The following C10orf90 variants were observed in gnomAD, a reference collection of about 807,000 sequenced individuals.
C10orf90 encodes the protein chromosome 10 open reading frame 90.
C10orf90 carries 56 observed loss-of-function variants against 62.5 expected under a neutral mutation model. That is an observed-to-expected ratio of 0.90 (90% CI 0.72 to 1.12). The LOEUF (loss-of-function observed/expected upper bound fraction) is 1.12. C10orf90 is among the 50% of genes most tolerant of loss of function. The probability of loss-of-function intolerance (pLI) is 0.00; values close to 1 mark genes in which losing one functional copy is unlikely to be tolerated. For synonymous variants in C10orf90, 386 were observed against 340.4 expected, an observed-to-expected ratio of 1.13 and a Z score of -1.47; for missense variants, 970 against 880.4, an observed-to-expected ratio of 1.10 and a Z score of -1.29.
chr10:126,640,233 A>T (rs1417434244), intron 2 of C10orf90, among the ~76,000 whole-genome samples: 1 of 152,174 alleles, frequency 6.6e-6, no homozygotes, highest in East Asian at 1.9e-4. Flanking sequence ...CTTCTGGGGG[A>T]GCCTCTGTCC....
intron 2 of C10orf90, among the ~76,000 whole-genome samples, chr10:126,596,627 T>C (rs1845092183): frequency 6.6e-6 from 1 of 152,242 alleles, no homozygotes; most frequent in Non-Finnish European, 1.5e-5. Context: ...TACATTAGCC[T>C]ACAGTTGTGC....
At chr10:126,524,922 G>C (rs1191678421) in intron 2 of C10orf90, 1 of 799,846 alleles carries the variant, frequency 1.3e-6, no homozygotes, top group Non-Finnish European at 1.5e-6. Flanking sequence ...CACTGAACAA[G>C]CATCATTATT....
At chr10:126,427,544 T>G (rs756446324) in intron 8 of C10orf90, among the ~76,000 whole-genome samples, 37 of 152,184 alleles carry the variant, frequency 2.4e-4, no homozygotes, top group Admixed American at 7.2e-4. Context: ...CACCATCTAA[T>G]CAGCTGCCAG....
Position 126,670,350 on chromosome 10 carries a change from A to T in C10orf90, c.131T>A (p.Met44Lys). 4.4e-6 allele frequency: 2 copies of T among 456,710 alleles called. No individual in the cohort carries two copies. Among genetic ancestry groups the T allele is most frequent in the Non-Finnish European group, 8.8e-6 (2 of 226,970 alleles). The allele number at this position is 456,710 out of a possible 1,614,324, so 28.3% of individuals were successfully genotyped here. Reference protein sequence around the residue: ...STELKNHVMVMDFVKSNWFPS... With the variant: ...STELKNHVMVKDFVKSNWFPS... ...AAACCAGTTACTCTTCACAAAATCC[A>T]TGACCATCACATGGTTTTTCAACTC... The change falls in exon 1 of 10, where the codon ATG (methionine) becomes AAG (lysine). Residue 44 changes from methionine to lysine, a missense_variant. Met to Lys is a moderately conservative substitution (Grantham distance 95). Transcript: ENST00000488181.
intron 2 of C10orf90, among the ~76,000 whole-genome samples, chr10:126,606,106 T>A (rs1240429216): frequency 6.6e-6 from 1 of 152,170 alleles, no homozygotes; most frequent in African/African-American, 2.4e-5. Context: ...ATGAGAAGGC[T>A]GTCCCACTGC....
At chr10:126,544,667 G>T (rs1216973641) in intron 2 of C10orf90, among the ~76,000 whole-genome samples, 1 of 151,980 alleles carries the variant, frequency 6.6e-6, no homozygotes, top group African/African-American at 2.4e-5. Context: ...TAGATTTAGA[G>T]GAAAGAAACT....
chr10:126,502,827 T>C (rs1216782776), intron 4 of C10orf90: 3 of 529,370 alleles, frequency 5.7e-6, no homozygotes, highest in South Asian at 4.3e-5. Context: ...GTCCTTCTTG[T>C]AATAAGTCTG....
Position 126,426,647 on chromosome 10 carries a change from G to T in C10orf90, c.2253-557C>A, listed in dbSNP as rs77465267. On this transcript the variant is annotated intron_variant, in intron 8 of 9. Coordinates refer to ENST00000488181, the MANE Select transcript of C10orf90 (RefSeq NM_001350921.2). ...TAAGGGCCCAGGGGATCTTCCTCTG[G>T]ACACTTCTTTCCTACTTTCTAACAG... 6.0e-4 allele frequency among the ~76,000 whole-genome samples: 91 copies of T among 152,218 alleles called. No individual in the cohort carries two copies. The East Asian group carries it at 0.014, about 23-fold the overall frequency.
intron 2 of C10orf90, among the ~76,000 whole-genome samples, chr10:126,581,737 C>T (rs1844756488): frequency 6.6e-6 from 1 of 152,172 alleles, no homozygotes; most frequent in Non-Finnish European, 1.5e-5. Flanking sequence ...GAAAATTCCT[C>T]ACGTTGTGAT....
At chr10:126,478,584 CCT>C (rs1476375726) in intron 4 of C10orf90, among the ~76,000 whole-genome samples, 2 of 152,214 alleles carry the variant, frequency 1.3e-5, no homozygotes, top group African/African-American at 4.8e-5. Flanking sequence ...CTTTGACCCA[CCT>C]CTCACCCCCG....
At chr10:126,526,514 G>T (rs917906434) in intron 2 of C10orf90, among the ~76,000 whole-genome samples, 3 of 152,142 alleles carry the variant, frequency 2.0e-5, no homozygotes, top group African/African-American at 7.2e-5. Context: ...AAAGTGCTGG[G>T]ATTACAGGTG....
chr10:126,504,703 T>C lies in C10orf90; in HGVS notation c.788A>G (p.Lys263Arg), dbSNP rs779093129. 1.1e-5 allele frequency: 17 copies of C among 1,611,868 alleles called. No homozygotes were observed. The Admixed American group carries it at 2.5e-4, about 24-fold the overall frequency. Reference protein sequence around the residue: ...WGTAGDSLCPKCRAEDTLFQA... With the variant: ...WGTAGDSLCPRCRAEDTLFQA... The stretch of plus-strand genomic sequence containing the variant: ...GAACAGTGTGTCCTCAGCCCTGCAC[T>C]TGGGGCACAGAGAGTCCCCAGCAGT... Residue 263 changes from lysine (K) to arginine (R), a missense_variant, in exon 4 of 10, where the codon AAG (lysine) becomes AGG (arginine). By Grantham distance (26) the Lys-to-Arg change is conservative (BLOSUM62 2). Transcript: ENST00000488181. The surrounding 1 kb of genome is among the most constrained non-coding windows in gnomAD (Gnocchi z 4.1).
intron 2 of C10orf90, among the ~76,000 whole-genome samples, chr10:126,563,651 C>G (rs1864954614): frequency 6.6e-6 from 1 of 152,218 alleles, no homozygotes; most frequent in Non-Finnish European, 1.5e-5. Context: ...AATATCCTGT[C>G]TGCCTGCTCA....
At chr10:126,495,010 T>C (rs1263934145) in intron 4 of C10orf90, among the ~76,000 whole-genome samples, 1 of 152,202 alleles carries the variant, frequency 6.6e-6, no homozygotes, top group African/African-American at 2.4e-5. Flanking sequence ...TCAAAGTAGT[T>C]TGTTGTTAAA....
intron 2 of C10orf90, among the ~76,000 whole-genome samples, chr10:126,645,464 C>A (rs915474040): frequency 5.9e-5 from 9 of 151,552 alleles, no homozygotes; most frequent in Non-Finnish European, 1.5e-5. Context: ...GTGGTGCGTG[C>A]CTCTAGTCCC....
chr10:126,552,660 G>A (rs72839018), intron 2 of C10orf90, among the ~76,000 whole-genome samples: 9,685 of 152,206 alleles, frequency 0.064, 507 homozygotes, highest in East Asian at 0.26. Flanking sequence ...TTTCCTTTCC[G>A]CTTTGCCACG....
intron 4 of C10orf90, among the ~76,000 whole-genome samples, chr10:126,487,396 T>A (rs1861499078): frequency 6.6e-6 from 1 of 151,840 alleles, no homozygotes; most frequent in Non-Finnish European, 1.5e-5. Context: ...AAAGGGAAGA[T>A]CTCAAAAACA....
At chr10:126,492,730 C>T (rs551298456) in intron 4 of C10orf90, among the ~76,000 whole-genome samples, 1 of 152,250 alleles carries the variant, frequency 6.6e-6, no homozygotes, top group East Asian at 1.9e-4. Flanking sequence ...TCATTTTTCA[C>T]ACATCAAAAT....
chr10:126,476,980 G>A lies in C10orf90; in HGVS notation c.1535-11994C>T, dbSNP rs373933785. On this transcript the variant is annotated intron_variant, in intron 4 of 9. Transcript: ENST00000488181. ...GCTGGAGTGCAGTGGCATGATCTCG[G>A]CTCACTGCAAGCTCCGCCTACCGGG... 2.7e-3 allele frequency among the ~76,000 whole-genome samples: 388 copies of A among 145,434 alleles called. 5 individuals carry two copies. Among genetic ancestry groups the A allele is most frequent in the Middle Eastern group, 0.018 (5 of 276 alleles).
Sources: gnomAD v4.1 joint callset for allele counts (sites outside exome capture counted in the v4.1 genomes callset) on GRCh38, gnomAD v4.1.1 for gene constraint, Gnocchi (gnomAD v3.1) non-coding constraint, MANE v1.5 for transcripts, NCBI Gene and HGNC (gene_info 2026-07-23, HGNC 2026-07-21) for gene names.